Variants in MEI4 observed in about 807,000 individuals in gnomAD.
MEI4 encodes the protein meiosis-specific protein MEI4.
In MEI4, 27 loss-of-function variants were observed where a neutral mutation model predicts 31.4. That is an observed-to-expected ratio of 0.86 (90% CI 0.63 to 1.19). The LOEUF is 1.19. Ranked by LOEUF, MEI4 falls within the 50% of genes most tolerant of loss-of-function variation. The pLI is 0.00. For missense variants in MEI4, 329 were observed against 398.9 expected, an observed-to-expected ratio of 0.82 and a Z score of 1.49; for synonymous variants, 122 against 145.4, an observed-to-expected ratio of 0.84 and a Z score of 1.16.
intron 2 of MEI4, among the ~76,000 whole-genome samples, chr6:77,744,216 T>A (rs1003073446): frequency 1.3e-5 from 2 of 151,952 alleles, no homozygotes; most frequent in African/African-American, 4.8e-5. Context: ...AGTTAAAAGC[T>A]TTGAAAAAAA....
intron 2 of MEI4, among the ~76,000 whole-genome samples, chr6:77,739,108 G>A (rs2127671956): frequency 6.6e-6 from 1 of 152,140 alleles, no homozygotes; most frequent in African/African-American, 2.4e-5. Context: ...ATCAATTTTG[G>A]CTTTTGTTGC....
intron 4 of MEI4, among the ~76,000 whole-genome samples, chr6:77,913,774 C>T (rs1766482328): frequency 6.6e-6 from 1 of 150,690 alleles, no homozygotes; most frequent in Non-Finnish European, 1.5e-5. Context: ...GTGGCTCACT[C>T]CTGTAATCCC....
chr6:77,833,202 A>G (rs975299795), intron 4 of MEI4, among the ~76,000 whole-genome samples: 1 of 151,906 alleles, frequency 6.6e-6, no homozygotes, highest in African/African-American at 2.4e-5. Flanking sequence ...ATCTTATGAC[A>G]TAATCACCGT....
intron 4 of MEI4, among the ~76,000 whole-genome samples, chr6:77,837,782 C>G (rs1457244773): frequency 6.6e-6 from 1 of 152,056 alleles, no homozygotes. Flanking sequence ...AAAATCTGCA[C>G]AAGTGTGTGT....
intron 4 of MEI4, among the ~76,000 whole-genome samples, chr6:77,882,102 A>G (rs1771503084): frequency 6.6e-6 from 1 of 152,172 alleles, no homozygotes; most frequent in African/African-American, 2.4e-5. Context: ...CTTTAAGTCA[A>G]TAATTTGCTG....
At chr6:77,661,424 G>A (rs1768507239) in intron 1 of MEI4, among the ~76,000 whole-genome samples, 1 of 152,146 alleles carries the variant, frequency 6.6e-6, no homozygotes, top group Non-Finnish European at 1.5e-5. Context: ...TGTGGGGAAG[G>A]CCTCTACCCA....
intron 4 of MEI4, among the ~76,000 whole-genome samples, chr6:77,891,305 A>T (rs749358866): frequency 6.6e-6 from 1 of 152,110 alleles, no homozygotes; most frequent in Non-Finnish European, 1.5e-5. Flanking sequence ...GGTGTCTCAT[A>T]TATCATATAT....
At chr6:77,915,480 G>A (rs1175785285) in intron 4 of MEI4, among the ~76,000 whole-genome samples, 2 of 151,896 alleles carry the variant, frequency 1.3e-5, no homozygotes, top group African/African-American at 4.8e-5. Flanking sequence ...GTCCTGTAAG[G>A]TTTCTGCTTA....
intron 4 of MEI4, among the ~76,000 whole-genome samples, chr6:77,883,631 G>A (rs1439858826): frequency 6.7e-6 from 1 of 148,314 alleles, no homozygotes; most frequent in Non-Finnish European, 1.5e-5. Context: ...GCAAATGACA[G>A]GATTTTATTC....
At chr6:77,682,122 G>A (rs1284110753) in intron 1 of MEI4, among the ~76,000 whole-genome samples, 2 of 152,114 alleles carry the variant, frequency 1.3e-5, no homozygotes, top group Non-Finnish European at 2.9e-5. Flanking sequence ...TACTGTTCTA[G>A]CATTGCCAGC....
chr6:77,791,838 T>C (rs531076217), intron 3 of MEI4, among the ~76,000 whole-genome samples: 2 of 152,314 alleles, frequency 1.3e-5, no homozygotes, highest in African/African-American at 4.8e-5. Flanking sequence ...ACTGTAATTA[T>C]GTAGTATAAC....
At chr6:77,798,585 G>T (rs1561993144) in intron 3 of MEI4, among the ~76,000 whole-genome samples, 1 of 151,334 alleles carries the variant, frequency 6.6e-6, no homozygotes. Flanking sequence ...CTAGTGTGCT[G>T]CACCCATTAA....
chr6:77,871,720 A>C (rs1771198606), intron 4 of MEI4, among the ~76,000 whole-genome samples: 1 of 152,064 alleles, frequency 6.6e-6, no homozygotes, highest in African/African-American at 2.4e-5. Context: ...ATTTTTAAAA[A>C]AACATTTTTA....
At position 77,897,492 on chromosome 6, in the gene MEI4, TATA is replaced by T. The variant is rs1274312431; in HGVS notation, c.901-25594_901-25592del. The stretch of plus-strand genomic sequence containing the variant: ...AAAATAATTATTTTTAAATAAGTCA[TATA>T]ATGACAATTTTTTAAAATTGTTATA... On this transcript the variant is annotated intron_variant, in intron 4 of 4. Transcript: ENST00000684080. Among the ~76,000 whole-genome samples, 9 of 134,356 alleles carry T rather than the reference TATA, an allele frequency of 6.7e-5. No homozygotes were observed. In the South Asian group the frequency reaches 1.7e-3, roughly 25 times the overall value. 88.1% of individuals were successfully genotyped at this position (134,356 alleles called of 152,430 possible).
intron 3 of MEI4, among the ~76,000 whole-genome samples, chr6:77,769,651 C>T (rs1044607294): frequency 2.0e-5 from 3 of 151,986 alleles, no homozygotes; most frequent in Non-Finnish European, 4.4e-5. Context: ...AACTTGGATT[C>T]CAGCCCATCC....
chr6:77,828,197 A>G (rs1489346169), intron 3 of MEI4, among the ~76,000 whole-genome samples: 5 of 151,822 alleles, frequency 3.3e-5, no homozygotes, highest in Non-Finnish European at 7.4e-5. Context: ...CATTTTCACA[A>G]TCTAACTTAA....
intron 2 of MEI4, 95 bp from the exon 3 acceptor site, chr6:77,761,035 T>G: frequency 2.3e-6 from 2 of 855,430 alleles, no homozygotes; most frequent in Non-Finnish European, 3.1e-6. Context: ...ATTTATATAC[T>G]TCATTTCTTA....
At chr6:77,861,849 C>G (rs9448235) in intron 4 of MEI4, among the ~76,000 whole-genome samples, 11,997 of 152,044 alleles carry the variant, frequency 0.079, 1,464 homozygotes, top group African/African-American at 0.26. Flanking sequence ...CATGATAGTT[C>G]TTGTATTGTT....
At chr6:77,861,109 A>C (rs1296962221) in intron 4 of MEI4, among the ~76,000 whole-genome samples, 2 of 152,162 alleles carry the variant, frequency 1.3e-5, no homozygotes, top group Non-Finnish European at 2.9e-5. Context: ...TTCCCATCCA[A>C]TAATGGTCAC....
Sources: allele counts gnomAD v4.1 joint callset (sites outside exome capture counted in the v4.1 genomes callset), GRCh38; gene constraint gnomAD v4.1.1; transcripts MANE v1.5; gene names NCBI Gene and HGNC (gene_info 2026-07-23, HGNC 2026-07-21).